Variants in PDE6G observed in about 807,000 individuals in gnomAD.
PDE6G encodes phosphodiesterase 6G.
Under a neutral mutation model 10.9 loss-of-function variants are expected in PDE6G, and 10 were observed. That is an observed-to-expected ratio of 0.91 (90% confidence interval 0.56 to 1.55). The LOEUF (loss-of-function observed/expected upper bound fraction) is 1.55, where lower values mean the gene tolerates loss of function less well. Ranked by LOEUF, PDE6G falls within the 40% of genes most tolerant of loss-of-function variation. The pLI, the probability that PDE6G is intolerant of heterozygous loss-of-function variation, is 0.00. For missense variants in PDE6G, 102 were observed against 110.1 expected (o/e 0.93, Z 0.33); for synonymous variants, 41 against 42.8 (o/e 0.96, Z 0.16).
Position 81,651,753 on chromosome 17 carries a change from G to T in PDE6G, c.147-68C>A. ...TGGCTCAGTCAGCCTGAGGCCCGAG[G>T]TCATCTCTAGCCTTCCTAGGAGATG... On this transcript the variant is annotated intron_variant, in intron 2 of 3. Transcript: ENST00000331056. The surrounding 1 kb of genome is among the most constrained non-coding windows in gnomAD (Gnocchi z 4.8). The T allele has an allele frequency of 6.5e-7, 1 of 1,529,788 alleles. No individual in the cohort carries two copies. Among genetic ancestry groups the T allele is most frequent in the African/African-American group, 1.4e-5 (1 of 73,186 alleles). 94.8% of individuals were successfully genotyped at this position (1,529,788 alleles called of 1,614,324 possible). A position where few individuals can be genotyped will look rare whatever the true frequency, so the allele number is the denominator to read the frequency against.
In PDE6G at chr17:81,653,016, G is replaced by A; in HGVS notation, c.146+144C>T. Reference sequence around the variant, plus strand: ...TCCTCCATCCCTGCTCAGGCCCTCAGGCACCGCCCTACCTTCCCCAGCTGT... The same window carrying A: ...TCCTCCATCCCTGCTCAGGCCCTCAAGCACCGCCCTACCTTCCCCAGCTGT... On this transcript the variant is annotated intron_variant, in intron 2 of 3. Transcript: ENST00000331056. The surrounding 1 kb of genome is among the most constrained non-coding windows in gnomAD (Gnocchi z 5.2). 1.0e-6 allele frequency: 1 copy of A among 979,998 alleles called. No homozygotes were observed. Among genetic ancestry groups the A allele is most frequent in the Non-Finnish European group, 1.6e-6 (1 of 614,950 alleles). 60.7% of individuals were successfully genotyped at this position (979,998 alleles called of 1,614,324 possible).
chr17:81,658,659 G>A (rs2036479718), upstream of PDE6G, among the ~76,000 whole-genome samples: 1 of 151,944 alleles, frequency 6.6e-6, no homozygotes, highest in African/African-American at 2.4e-5. Context: ...TGGCCAACAT[G>A]GTGAAACCCT....
At chr17:81,662,572 G>A (rs1242253578) in intron 1 of PDE6G, among the ~76,000 whole-genome samples, 3 of 151,926 alleles carry the variant, frequency 2.0e-5, no homozygotes, top group Non-Finnish European at 4.4e-5. Flanking sequence ...GTGGTGAGCC[G>A]AGATCGCGCC....
At position 81,651,700 on chromosome 17, in the gene PDE6G, CACT is replaced by C. The variant is rs753710064; in HGVS notation, c.147-18_147-16del. On this transcript the variant is annotated splice_polypyrimidine_tract_variant and intron_variant, in intron 2 of 3. Coordinates refer to ENST00000331056, the MANE Select transcript of PDE6G (RefSeq NM_002602.4). This position sits in a 1 kb window ranked among gnomAD's most constrained non-coding sequence, Gnocchi z 4.8. ...CGTCCCCAAACCTGCAAGGACAGAG[CACT>C]CAGGGACATGGCCGGGCCCAGTCCT... 3 of 1,613,856 alleles carry C rather than the reference CACT, an allele frequency of 1.9e-6. No individual in the cohort carries two copies. In the Admixed American group the frequency reaches 5.0e-5, roughly 27 times the overall value.
At chr17:81,656,979 ACC>A (rs71166164), upstream of PDE6G, 13,776 of 220,202 alleles carry the variant, frequency 0.063, 612 homozygotes, top group East Asian at 0.25. Context: ...CCAAACAAGG[ACC>A]CCCCCCCGCC....
chr17:81,656,796 C>A, upstream of PDE6G: 1 of 615,192 alleles, frequency 1.6e-6, no homozygotes, highest in East Asian at 2.8e-5. Flanking sequence ...ATGGAAGCAA[C>A]CACAGTGTCT....
chr17:81,660,838 A>G (rs2036504026), upstream of PDE6G, among the ~76,000 whole-genome samples: 2 of 151,964 alleles, frequency 1.3e-5, no homozygotes, highest in Admixed American at 1.3e-4. Context: ...TTCTCTATCT[A>G]CAGGCTAAGC....
Position 81,650,675 on chromosome 17 carries a change from G to A in PDE6G, c.*399C>T, listed in dbSNP as rs13372. 49,648 of 457,192 alleles carry A rather than the reference G, an allele frequency of 0.11. 3,063 individuals are homozygous for A. Among genetic ancestry groups the A allele is most frequent in the Middle Eastern group, 0.17 (249 of 1,470 alleles). 28.3% of individuals were successfully genotyped at this position (457,192 alleles called of 1,614,324 possible). ...TATCCCCTTACAGGCAGGACAGGGG[G>A]CTGGGGTGCAGAAGCACTCTGGGGA... On this transcript the variant is annotated 3_prime_UTR_variant, in exon 4 of 4. Transcript: ENST00000331056.
rs2144397157 is a variant in PDE6G at position 81,651,571 on chromosome 17, A to G, written c.187+74T>C. The G allele has an allele frequency of 2.8e-6, 4 of 1,434,688 alleles. No individual in the cohort carries two copies. The highest frequency in any genetic ancestry group is 3.9e-6 in the Non-Finnish European group (4 of 1,017,198). 88.9% of individuals were successfully genotyped at this position (1,434,688 alleles called of 1,614,324 possible). A position where few individuals can be genotyped will look rare whatever the true frequency, so the allele number is the denominator to read the frequency against. The stretch of plus-strand genomic sequence containing the variant: ...GAGGTGGGGGCCGAGGTGGGCTGCA[A>G]TGGGCCCCGGGCGTGCTGGGTGTGC... On this transcript the variant is annotated intron_variant, in intron 3 of 3. Transcript: ENST00000331056. This position sits in a 1 kb window ranked among gnomAD's most constrained non-coding sequence, Gnocchi z 4.8.
chr17:81,651,719 G>T lies in PDE6G; in HGVS notation c.147-34C>A, dbSNP rs1598717174. On this transcript the variant is annotated intron_variant, in intron 2 of 3. Coordinates refer to ENST00000331056, the MANE Select transcript of PDE6G (RefSeq NM_002602.4). The surrounding 1 kb of genome is among the most constrained non-coding windows in gnomAD (Gnocchi z 4.8). ...ACAGAGCACTCAGGGACATGGCCGGGCCCAGTCCTGGCTCAGTCAGCCTGA... is the reference window on the plus strand; with the variant it reads ...ACAGAGCACTCAGGGACATGGCCGGTCCCAGTCCTGGCTCAGTCAGCCTGA... The T allele has an allele frequency of 1.2e-6, 2 of 1,611,304 alleles. No individual in the cohort carries two copies. The highest frequency in any genetic ancestry group is 2.2e-5 in the East Asian group (1 of 44,804).
intron 1 of PDE6G, among the ~76,000 whole-genome samples, chr17:81,661,785 G>A (rs1196885651): frequency 2.6e-5 from 4 of 151,158 alleles, no homozygotes; most frequent in African/African-American, 9.8e-5. Context: ...GCTTGAACCT[G>A]GGCGGCAGAG....
At chr17:81,662,484 G>A (rs1437829028) in intron 1 of PDE6G, among the ~76,000 whole-genome samples, 3 of 152,054 alleles carry the variant, frequency 2.0e-5, no homozygotes, top group African/African-American at 7.2e-5. Flanking sequence ...TTAGCCAGAC[G>A]CTGTGGGGCA....
In PDE6G at chr17:81,651,159, G is replaced by C. The variant is rs1381169084; in HGVS notation, c.188-9C>G. ...GCAGATGACTGTGATGTCTGTGGGA[G>C]AAACGGGCCACGGATCAGAGAGGAT... On this transcript the variant is annotated splice_polypyrimidine_tract_variant and intron_variant, in intron 3 of 3. Transcript: ENST00000331056. This position sits in a 1 kb window ranked among gnomAD's most constrained non-coding sequence, Gnocchi z 4.8. 4 of 1,608,488 alleles carry C rather than the reference G, an allele frequency of 2.5e-6. No homozygotes were observed. Among genetic ancestry groups the C allele is most frequent in the Non-Finnish European group, 3.4e-6 (4 of 1,175,010 alleles).
rs2036406989 is a variant in PDE6G, at chr17:81,653,842, C to G, written c.-59-478G>C. The G allele has an allele frequency of 6.2e-6, 1 of 161,576 alleles. No homozygotes were observed. Among genetic ancestry groups the G allele is most frequent in the Admixed American group, 5.9e-5 (1 of 16,972 alleles). The allele number at this position is 161,576 out of a possible 1,614,324, so 10.0% of individuals were successfully genotyped here. Reference sequence around the variant, plus strand: ...GTTTTGTTTTTGAGACAGAGTTTTGCTCTTGTTGCCTGGGCTGGAGTGCAG... The same window carrying G: ...GTTTTGTTTTTGAGACAGAGTTTTGGTCTTGTTGCCTGGGCTGGAGTGCAG... On this transcript the variant is annotated intron_variant, in intron 1 of 3. Coordinates refer to ENST00000331056, the MANE Select transcript of PDE6G (RefSeq NM_002602.4). This position sits in a 1 kb window ranked among gnomAD's most constrained non-coding sequence, Gnocchi z 5.2.
Position 81,651,246 on chromosome 17 carries a change from C to T in PDE6G, c.188-96G>A. On this transcript the variant is annotated intron_variant, in intron 3 of 3. Coordinates refer to ENST00000331056, the MANE Select transcript of PDE6G (RefSeq NM_002602.4). The surrounding 1 kb of genome is among the most constrained non-coding windows in gnomAD (Gnocchi z 4.8). ...TGTTTCCCACAGCCCAGGTGTAGCC[C>T]TACAGTGTGCTGAGCGGGGACGTGC... 1.1e-6 allele frequency: 1 copy of T among 887,114 alleles called. No homozygotes were observed. Among genetic ancestry groups the T allele is most frequent in the Non-Finnish European group, 1.9e-6 (1 of 534,934 alleles). 55.0% of individuals were successfully genotyped at this position (887,114 alleles called of 1,614,324 possible). A position where few individuals can be genotyped will look rare whatever the true frequency, so the allele number is the denominator to read the frequency against.
Position 81,650,828 on chromosome 17 carries a change from G to A in PDE6G, c.*246C>T, listed in dbSNP as rs764755060. The A allele has an allele frequency of 2.2e-5, 13 of 601,010 alleles. No individual in the cohort carries two copies. Among genetic ancestry groups the A allele is most frequent in the South Asian group, 1.7e-4 (11 of 65,766 alleles). 37.2% of individuals were successfully genotyped at this position (601,010 alleles called of 1,614,324 possible). On this transcript the variant is annotated 3_prime_UTR_variant, in exon 4 of 4. Coordinates refer to ENST00000331056, the MANE Select transcript of PDE6G (RefSeq NM_002602.4). ...CAAGCCTCTCTGTGGGCAGGACTGA[G>A]GGGTGGGCCTGTATCTCCAGATGTT...
In PDE6G at chr17:81,651,939, G is replaced by A. The variant is rs775603283; in HGVS notation, c.147-254C>T. On this transcript the variant is annotated intron_variant, in intron 2 of 3. Transcript: ENST00000331056. This position sits in a 1 kb window ranked among gnomAD's most constrained non-coding sequence, Gnocchi z 4.8. ...GAAAAGGAGGTGCAAGTCCCAGGAT[G>A]CTGGGCAGGTGCGTGCCCTGGGGGA... Among the ~76,000 whole-genome samples the A allele has an allele frequency of 1.3e-5, 2 of 152,238 alleles. No individual in the cohort carries two copies. Among genetic ancestry groups the A allele is most frequent in the African/African-American group, 2.4e-5 (1 of 41,472 alleles).
intron 1 of PDE6G, among the ~76,000 whole-genome samples, chr17:81,662,882 C>T (rs2144416923): frequency 6.6e-6 from 1 of 152,236 alleles, no homozygotes; most frequent in South Asian, 2.1e-4. Context: ...GCCTGTAGTC[C>T]CAGCTACTTG....
chr17:81,651,758 C>T lies in PDE6G; in HGVS notation c.147-73G>A, dbSNP rs2036360105. On this transcript the variant is annotated intron_variant, in intron 2 of 3. Transcript: ENST00000331056. The surrounding 1 kb of genome is among the most constrained non-coding windows in gnomAD (Gnocchi z 4.8). The stretch of plus-strand genomic sequence containing the variant: ...CAGTCAGCCTGAGGCCCGAGGTCAT[C>T]TCTAGCCTTCCTAGGAGATGAGGTG... 6.6e-7 allele frequency: 1 copy of T among 1,506,604 alleles called. No individual in the cohort carries two copies. The highest frequency in any genetic ancestry group is 9.2e-7 in the Non-Finnish European group (1 of 1,092,608). The allele number at this position is 1,506,604 out of a possible 1,614,324, so 93.3% of individuals were successfully genotyped here.
Sources: gnomAD v4.1 joint callset for allele counts (sites outside exome capture counted in the v4.1 genomes callset) on GRCh38, gnomAD v4.1.1 for gene constraint, Gnocchi (gnomAD v3.1) non-coding constraint, MANE v1.5 for transcripts, NCBI Gene and HGNC (gene_info 2026-07-23, HGNC 2026-07-21) for gene names.